UHRF2: variants seen among roughly 807,000 people sequenced by gnomAD.
UHRF2 encodes ubiquitin like with PHD and ring finger domains 2.
In UHRF2, 23 loss-of-function variants were observed where a neutral mutation model predicts 96.8. The observed-to-expected ratio is 0.24, with a 90% CI of 0.17 to 0.34. The LOEUF (loss-of-function observed/expected upper bound fraction) is 0.34. UHRF2 is among the 10% of genes least tolerant of loss of function. UHRF2 has a pLI of 1.00. For missense variants in UHRF2, 685 were observed against 981.5 expected (o/e 0.70, Z 4.04); for synonymous variants, 385 against 332.6 (o/e 1.16, Z -1.72).
intron 4 of UHRF2, among the ~76,000 whole-genome samples, chr9:6,473,254 A>C (rs1389303456): frequency 6.6e-6 from 1 of 152,208 alleles, no homozygotes; most frequent in Admixed American, 6.5e-5. Context: ...AGAAAAATAA[A>C]GTGGGTTGAG....
chr9:6,481,695 A>C lies in UHRF2; in HGVS notation c.1213A>C (p.Arg405=), dbSNP rs1216693284. ...DSSEVVKAGE[R]LKMSKKKAKM... ...CAGTGAAGTTGTAAAGGCTGGTGAA[A>C]GACTCAAGATGAGTAAAAAGAAAGC... The change falls in exon 7 of 16, where the codon AGA becomes CGA. Residue 405 remains arginine, a synonymous_variant. Transcript: ENST00000276893. The C allele has an allele frequency of 2.5e-6, 4 of 1,613,784 alleles. No individual in the cohort carries two copies. Among genetic ancestry groups the C allele is most frequent in the Non-Finnish European group, 3.4e-6 (4 of 1,179,876 alleles).
At chr9:6,503,259 G>T (rs942927375) in intron 14 of UHRF2, among the ~76,000 whole-genome samples, 1 of 152,122 alleles carries the variant, frequency 6.6e-6, no homozygotes, top group African/African-American at 2.4e-5. Flanking sequence ...GCCTCCCAGA[G>T]TACTGGGATT....
chr9:6,464,398 C>T (rs774393426), intron 4 of UHRF2, among the ~76,000 whole-genome samples: 7 of 152,012 alleles, frequency 4.6e-5, no homozygotes, highest in Non-Finnish European at 8.8e-5. Flanking sequence ...TTTCTCCTTA[C>T]GATGTTTGAA....
At chr9:6,488,604 A>G (rs1340617044) in intron 9 of UHRF2, among the ~76,000 whole-genome samples, 1 of 131,430 alleles carries the variant, frequency 7.6e-6, no homozygotes, top group Non-Finnish European at 1.5e-5. Flanking sequence ...TTGGAGTGCA[A>G]TGGCGCCATC....
intron 2 of UHRF2, among the ~76,000 whole-genome samples, chr9:6,430,387 T>G (rs1001102837): frequency 1.3e-5 from 2 of 152,144 alleles, no homozygotes; most frequent in African/African-American, 4.8e-5. Flanking sequence ...AAACTTTTTT[T>G]TAGCTTTTTA....
At chr9:6,431,658 A>G (rs1820568833) in intron 2 of UHRF2, among the ~76,000 whole-genome samples, 1 of 152,122 alleles carries the variant, frequency 6.6e-6, no homozygotes, top group African/African-American at 2.4e-5. Context: ...GTGAGCTGAT[A>G]TGTTCTATGT....
intron 4 of UHRF2, among the ~76,000 whole-genome samples, chr9:6,463,119 A>G (rs1822648930): frequency 6.6e-6 from 1 of 152,020 alleles, no homozygotes; most frequent in Non-Finnish European, 1.5e-5. Context: ...TGTCTCCACT[A>G]AAAAATACAA....
chr9:6,488,061 C>A (rs1360451337), intron 9 of UHRF2, among the ~76,000 whole-genome samples: 1 of 151,004 alleles, frequency 6.6e-6, no homozygotes, highest in East Asian at 1.9e-4. Context: ...GGCAACGTGG[C>A]AAAGCCCTGT....
At chr9:6,413,787 G>C in intron 1 of UHRF2, 144 bp downstream of exon 1, 1 of 1,086,264 alleles carries the variant, frequency 9.2e-7, no homozygotes, top group Non-Finnish European at 1.2e-6. Flanking sequence ...CGCGAGGCGC[G>C]GGGTGCGGGG....
chr9:6,485,954 G>A (rs145373662), intron 8 of UHRF2, among the ~76,000 whole-genome samples: 46 of 152,164 alleles, frequency 3.0e-4, no homozygotes, highest in Middle Eastern at 3.4e-3. Context: ...GGGAAAAGCC[G>A]TCATCCATTG....
chr9:6,492,405 C>T (rs1824715236), intron 9 of UHRF2: 6 of 1,038,952 alleles, frequency 5.8e-6, no homozygotes, highest in East Asian at 8.7e-5. Flanking sequence ...TCTAGATGTA[C>T]GTATTTATTA....
intron 10 of UHRF2, chr9:6,494,913 A>G (rs1047312757): frequency 6.6e-6 from 1 of 152,188 alleles, no homozygotes; most frequent in African/African-American, 2.4e-5. Context: ...TGATAGTAGG[A>G]TTATTTTTAC....
intron 1 of UHRF2, among the ~76,000 whole-genome samples, chr9:6,420,546 C>CA (rs1022119986): frequency 5.3e-5 from 8 of 149,736 alleles, no homozygotes; most frequent in Middle Eastern, 3.4e-3. Flanking sequence ...ACTAAAAATA[C>CA]AAAAAAAAAT....
At chr9:6,482,251 G>A (rs1361779044) in intron 8 of UHRF2, 152 bp downstream of exon 8, 1 of 656,704 alleles carries the variant, frequency 1.5e-6, no homozygotes. Flanking sequence ...CTTCCTGGAG[G>A]TTAACAAAGG....
intron 3 of UHRF2, among the ~76,000 whole-genome samples, chr9:6,458,716 G>A (rs1045541064): frequency 6.6e-6 from 1 of 152,062 alleles, no homozygotes; most frequent in African/African-American, 2.4e-5. Context: ...ATTACTGGGT[G>A]GTGTATACCC....
chr9:6,468,853 G>A, intron 4 of UHRF2: 1 of 364,642 alleles, frequency 2.7e-6, no homozygotes, highest in South Asian at 2.1e-5. Context: ...CTTAAAGACT[G>A]TAAACCAGCC....
intron 1 of UHRF2, among the ~76,000 whole-genome samples, chr9:6,419,182 C>T (rs1819780878): frequency 6.6e-6 from 1 of 152,168 alleles, no homozygotes; most frequent in South Asian, 2.1e-4. Flanking sequence ...GGCAGGGACG[C>T]AACTTAGCTC....
At chr9:6,418,073 G>A (rs971159978) in intron 1 of UHRF2, among the ~76,000 whole-genome samples, 1 of 152,008 alleles carries the variant, frequency 6.6e-6, no homozygotes, top group African/African-American at 2.4e-5. Context: ...TTTAAAAATA[G>A]TCATAATGTT....
At chr9:6,461,683 A>AT (rs1011093523) in intron 4 of UHRF2, among the ~76,000 whole-genome samples, 2 of 151,824 alleles carry the variant, frequency 1.3e-5, no homozygotes, top group Non-Finnish European at 2.9e-5. Context: ...TCTATCATTA[A>AT]TTTTTTAAGA....
Sources: gnomAD v4.1 joint callset for allele counts (sites outside exome capture counted in the v4.1 genomes callset) on GRCh38, gnomAD v4.1.1 for gene constraint, MANE v1.5 for transcripts, NCBI Gene and HGNC (gene_info 2026-07-23, HGNC 2026-07-21) for gene names.